LRP1B: variants seen among roughly 807,000 people sequenced by gnomAD.
LRP1B encodes low-density lipoprotein receptor-related protein 1B.
In LRP1B, 217 loss-of-function variants were observed where a neutral mutation model predicts 556.6. That is an observed-to-expected ratio of 0.39 (90% CI 0.35 to 0.44). The LOEUF (loss-of-function observed/expected upper bound fraction) is 0.44, where lower values mean the gene tolerates loss of function less well. Ranked by LOEUF, LRP1B falls within the 20% of genes least tolerant of loss-of-function variation. LRP1B has a pLI of 1.00. For missense variants in LRP1B, 5,053 were observed against 5,620.8 expected, an observed-to-expected ratio of 0.90 and a Z score of 3.23; for synonymous variants, 2,047 against 1,865.8, an observed-to-expected ratio of 1.10 and a Z score of -2.50.
chr2:141,624,004 G>A, intron 2 of LRP1B, among the ~76,000 whole-genome samples: 1 of 59,538 alleles, frequency 1.7e-5, no homozygotes, highest in East Asian at 6.0e-4. Flanking sequence ...CAACAGAGCA[G>A]AACTCCAACT....
intron 63 of LRP1B, among the ~76,000 whole-genome samples, chr2:140,448,029 A>C (rs1686739206): frequency 6.6e-6 from 1 of 152,050 alleles, no homozygotes; most frequent in Non-Finnish European, 1.5e-5. Context: ...ATAATGTCAA[A>C]GAATACTGAT....
At chr2:140,669,587 G>A (rs1685407957) in intron 41 of LRP1B, among the ~76,000 whole-genome samples, 1 of 152,106 alleles carries the variant, frequency 6.6e-6, no homozygotes, top group South Asian at 2.1e-4. Flanking sequence ...TAATCATGAT[G>A]TCTTTACCAT....
At chr2:140,491,752 T>G (rs1688710675) in intron 57 of LRP1B, among the ~76,000 whole-genome samples, 1 of 150,162 alleles carries the variant, frequency 6.7e-6, no homozygotes, top group Admixed American at 6.6e-5. Context: ...TTTTTGTTAG[T>G]TTTTTATAAA....
intron 66 of LRP1B, among the ~76,000 whole-genome samples, chr2:140,434,780 T>G (rs976444012): frequency 6.6e-6 from 1 of 152,192 alleles, no homozygotes; most frequent in African/African-American, 2.4e-5. Flanking sequence ...AATGCCACAG[T>G]AATAACTACG....
chr2:140,274,504 T>C lies in LRP1B; in HGVS notation c.13062A>G (p.Pro4354=). The C allele has an allele frequency of 6.2e-7, 1 of 1,612,750 alleles. No homozygotes were observed. The highest frequency in any genetic ancestry group is 8.5e-7 in the Non-Finnish European group (1 of 1,179,116). The change falls in exon 85 of 91, where the codon CCA becomes CCG. Residue 4354 remains proline, a synonymous_variant. Coordinates refer to ENST00000389484, the MANE Select transcript of LRP1B (RefSeq NM_018557.3). ...TTACACACTTGTCAACCTCACATTT[T>C]GGTCCTTCATAGCGCGTTGGACAGA... The part of the protein sequence containing the change: ...ECVCPTRYEG[P]KCEVDKCVRC...
At chr2:142,130,519 A>C in intron 1 of LRP1B, 129 bp downstream of exon 1, 1 of 738,958 alleles carries the variant, frequency 1.4e-6, no homozygotes. Context: ...GGGCCAGCGC[A>C]CGGTGGTCAC....
chr2:141,997,897 AT>A (rs1702545268), intron 1 of LRP1B, among the ~76,000 whole-genome samples: 1 of 152,092 alleles, frequency 6.6e-6, no homozygotes, highest in African/African-American at 2.4e-5. Flanking sequence ...GTTTTTCCTT[AT>A]GGAAACTCAA....
chr2:140,531,824 C>T (rs1690707287), intron 47 of LRP1B, among the ~76,000 whole-genome samples: 1 of 152,118 alleles, frequency 6.6e-6, no homozygotes, highest in Admixed American at 6.6e-5. Flanking sequence ...TTCATGCCTG[C>T]CCTCTTACCC....
chr2:141,800,505 A>G (rs1695975169), intron 2 of LRP1B, among the ~76,000 whole-genome samples: 1 of 152,182 alleles, frequency 6.6e-6, no homozygotes, highest in Non-Finnish European at 1.5e-5. Flanking sequence ...TTGTGAGAAA[A>G]TATATACACC....
chr2:140,887,978 TA>T (rs1188450395), intron 23 of LRP1B, among the ~76,000 whole-genome samples: 1 of 152,142 alleles, frequency 6.6e-6, no homozygotes, highest in African/African-American at 2.4e-5. Context: ...TTGTAATAGT[TA>T]AACTGAATTG....
chr2:141,655,030 T>C (rs1010342082), intron 2 of LRP1B, among the ~76,000 whole-genome samples: 2 of 152,162 alleles, frequency 1.3e-5, no homozygotes, highest in South Asian at 2.1e-4. Context: ...CCTAGAATAG[T>C]TTTACAGAAA....
At chr2:140,761,706 C>G (rs1362230132) in intron 35 of LRP1B, among the ~76,000 whole-genome samples, 1 of 152,098 alleles carries the variant, frequency 6.6e-6, no homozygotes, top group African/African-American at 2.4e-5. Flanking sequence ...CATGAGCGAG[C>G]TTGGTAGTGA....
At chr2:141,047,667 A>G (rs1216821360) in intron 11 of LRP1B, among the ~76,000 whole-genome samples, 1 of 152,026 alleles carries the variant, frequency 6.6e-6, no homozygotes, top group Non-Finnish European at 1.5e-5. Context: ...ACTTACCTTC[A>G]AGGCCCTTTA....
intron 2 of LRP1B, among the ~76,000 whole-genome samples, chr2:141,706,115 A>G (rs1692127897): frequency 6.6e-6 from 1 of 151,998 alleles, no homozygotes; most frequent in African/African-American, 2.4e-5. Flanking sequence ...AATCTTCAGG[A>G]TGACTCTGGA....
intron 22 of LRP1B, 91 bp downstream of exon 22, chr2:140,907,786 A>G: frequency 9.1e-7 from 1 of 1,093,382 alleles, no homozygotes; most frequent in South Asian, 1.4e-5. Context: ...GAATGAATGA[A>G]AGGAATGAAT....
chr2:140,938,584 A>C (rs1695299505), intron 20 of LRP1B, among the ~76,000 whole-genome samples: 1 of 152,084 alleles, frequency 6.6e-6, no homozygotes, highest in South Asian at 2.1e-4. Flanking sequence ...AAAGGAGATT[A>C]TATTCTATAG....
chr2:140,632,209 T>C (rs1181291490), intron 41 of LRP1B, among the ~76,000 whole-genome samples: 4 of 152,144 alleles, frequency 2.6e-5, no homozygotes, highest in Non-Finnish European at 5.9e-5. Flanking sequence ...ATAAAGATAG[T>C]AAAAGTGTCA....
In LRP1B at chr2:140,630,646, A is replaced by G. The variant is rs147196197; in HGVS notation, c.6800-29007T>C. 1.3e-3 allele frequency among the ~76,000 whole-genome samples: 201 copies of G among 152,288 alleles called. 6 individuals carry two copies. The East Asian group carries it at 0.035, about 27-fold the overall frequency. ...GTGCTTTACTTCTAGGAACGTCACC[A>G]CGTTCTCACAGTGAAGAATTAAGAA... On this transcript the variant is annotated intron_variant, in intron 41 of 90. Transcript: ENST00000389484.
chr2:140,765,902 A>AG (rs1354116334), intron 35 of LRP1B, among the ~76,000 whole-genome samples: 3 of 152,116 alleles, frequency 2.0e-5, no homozygotes, highest in African/African-American at 7.2e-5. Context: ...TTAGAATAAG[A>AG]GGCTAATGCT....
Sources: gnomAD v4.1 joint callset for allele counts (sites outside exome capture counted in the v4.1 genomes callset) on GRCh38, gnomAD v4.1.1 for gene constraint, MANE v1.5 for transcripts, NCBI Gene and HGNC (gene_info 2026-07-23, HGNC 2026-07-21) for gene names.